Variants in CD96 observed in about 807,000 individuals in gnomAD.
The protein encoded by CD96 is T-cell surface protein tactile.
Under a neutral mutation model 71.3 loss-of-function variants are expected in CD96, and 70 were observed. The observed-to-expected ratio is 0.98, with a 90% confidence interval of 0.81 to 1.20. CD96 has a LOEUF of 1.20. CD96 is among the 50% of genes most tolerant of loss of function. The probability of loss-of-function intolerance (pLI) is 0.00; values close to 1 mark genes in which losing one functional copy is unlikely to be tolerated. For synonymous variants in CD96, 248 were observed against 233.0 expected (o/e 1.06, Z -0.59); for missense variants, 742 against 677.5 (o/e 1.10, Z -1.06).
At chr3:111,556,310 C>A (rs1314033872) in intron 2 of CD96, among the ~76,000 whole-genome samples, 1 of 146,328 alleles carries the variant, frequency 6.8e-6, no homozygotes, top group Non-Finnish European at 1.5e-5. Flanking sequence ...CCCACTAACT[C>A]GTCATCTAGC....
intron 3 of CD96, among the ~76,000 whole-genome samples, chr3:111,578,090 C>T (rs1936299036): frequency 6.6e-6 from 1 of 152,142 alleles, no homozygotes; most frequent in African/African-American, 2.4e-5. Context: ...AAAAGCAGCT[C>T]AACTGAGAAT....
intron 10 of CD96, 126 bp downstream of exon 10, chr3:111,624,530 T>C (rs1938657099): frequency 7.0e-6 from 5 of 712,944 alleles, no homozygotes; most frequent in South Asian, 6.0e-5. Context: ...GCATCTATCA[T>C]GTTTAAAGTA....
At chr3:111,554,039 C>A (rs901891024) in intron 2 of CD96, among the ~76,000 whole-genome samples, 2 of 151,896 alleles carry the variant, frequency 1.3e-5, no homozygotes, top group Non-Finnish European at 2.9e-5. Context: ...GAAAAGTTTT[C>A]TTCATTTCCA....
At chr3:111,659,946 A>T (rs1218889360) in intron 14 of CD96, among the ~76,000 whole-genome samples, 2 of 152,226 alleles carry the variant, frequency 1.3e-5, no homozygotes, top group African/African-American at 2.4e-5. Context: ...AGCTCAAGCC[A>T]TTCCCCTTGA....
intron 5 of CD96, among the ~76,000 whole-genome samples, chr3:111,586,985 G>A (rs918516809): frequency 1.3e-5 from 2 of 152,056 alleles, no homozygotes; most frequent in Non-Finnish European, 2.9e-5. Flanking sequence ...TCTGAGATAA[G>A]GCAAGTCCCT....
chr3:111,601,090 A>C (rs1488973390), intron 7 of CD96, among the ~76,000 whole-genome samples, 176 bp downstream of exon 7: 3 of 152,228 alleles, frequency 2.0e-5, no homozygotes, highest in African/African-American at 7.2e-5. Context: ...TCCAGTGAAA[A>C]GAATTCTTCA....
rs762726257 is a variant in CD96 at position 111,542,294 on chromosome 3, A to G, written c.46A>G (p.Ile16Val). Residue 16 changes from isoleucine to valine, a missense_variant, in exon 1 of 14, where the codon ATA becomes GTA. Coordinates refer to ENST00000352690, the MANE Select transcript of CD96 (RefSeq NM_005816.5). ...CTGTGCTGTCTATTACATCATCCAG[A>G]TACATTTTGTCAAGGGTAAGACTTC... The part of the protein sequence containing the change: ...KYCAVYYIIQ[I>V]HFVKGVWEKT... 6.2e-7 allele frequency: 1 copy of G among 1,613,864 alleles called. No individual in the cohort carries two copies. The highest frequency in any genetic ancestry group is 1.7e-5 in the Admixed American group (1 of 60,024).
intron 5 of CD96, among the ~76,000 whole-genome samples, chr3:111,590,425 A>G (rs1414023948): frequency 1.3e-5 from 2 of 152,230 alleles, no homozygotes; most frequent in Non-Finnish European, 2.9e-5. Context: ...AGCAGCCCGC[A>G]GTGTGGAAAT....
intron 4 of CD96, among the ~76,000 whole-genome samples, chr3:111,581,874 A>G (rs1360137363): frequency 1.3e-5 from 2 of 152,300 alleles, no homozygotes; most frequent in East Asian, 3.9e-4. Context: ...CGGTTAATTT[A>G]TTTGAAAGGC....
Position 111,558,715 on chromosome 3 carries a change from G to A in CD96, c.419-8808G>A, listed in dbSNP as rs1322139507. On this transcript the variant is annotated intron_variant, in intron 2 of 13. Transcript: ENST00000352690. Reference sequence around the variant, plus strand: ...CGGCTTTGGTATCAGAATGATGCTGGCCTCATAAAATGAGTTAGGGAGGAT... The same window carrying A: ...CGGCTTTGGTATCAGAATGATGCTGACCTCATAAAATGAGTTAGGGAGGAT... Among the ~76,000 whole-genome samples the A allele has an allele frequency of 2.0e-4, 25 of 123,344 alleles. No individual in the cohort carries two copies. The Admixed American group carries it at 2.1e-3, about 10-fold the overall frequency. The allele number at this position is 123,344 out of a possible 152,430, so 80.9% of individuals were successfully genotyped here.
chr3:111,543,415 C>A (rs1469628889), intron 1 of CD96, among the ~76,000 whole-genome samples: 1 of 152,048 alleles, frequency 6.6e-6, no homozygotes, highest in Non-Finnish European at 1.5e-5. Flanking sequence ...GTATTTCAGA[C>A]CATCGATTAG....
chr3:111,642,317 C>A (rs1939629333), intron 12 of CD96, among the ~76,000 whole-genome samples: 1 of 152,132 alleles, frequency 6.6e-6, no homozygotes, highest in African/African-American at 2.4e-5. Flanking sequence ...GGAGATATTA[C>A]AACTGACACC....
Position 111,574,428 on chromosome 3 carries a change from A to G in CD96, c.544-4599A>G, listed in dbSNP as rs1320288814. ...AATCCAAAACATCTGAGCCTGAAAC[A>G]TTTCTGATACCAAGCATTTCAGATA... On this transcript the variant is annotated intron_variant, in intron 3 of 13. Transcript: ENST00000352690. Among the ~76,000 whole-genome samples the G allele has an allele frequency of 2.6e-5, 4 of 152,214 alleles. No homozygotes were observed. In the East Asian group the frequency reaches 7.7e-4, roughly 29 times the overall value.
chr3:111,566,167 C>T (rs72622318), intron 2 of CD96, among the ~76,000 whole-genome samples: 4,643 of 150,856 alleles, frequency 0.031, 176 homozygotes, highest in East Asian at 0.15. Flanking sequence ...AAAGTTATAC[C>T]GTTTTATAAC....
chr3:111,622,056 G>GT (rs1938541860), intron 8 of CD96, among the ~76,000 whole-genome samples: 2 of 152,304 alleles, frequency 1.3e-5, no homozygotes, highest in East Asian at 3.9e-4. Flanking sequence ...GAGAAGAATT[G>GT]TAGGTGATTC....
intron 10 of CD96, among the ~76,000 whole-genome samples, chr3:111,632,861 A>G (rs902769910): frequency 6.6e-6 from 1 of 152,210 alleles, no homozygotes; most frequent in Non-Finnish European, 1.5e-5. Context: ...CAGCAAACTA[A>G]TGCAGGAATA....
chr3:111,543,095 T>C (rs1934191871), intron 1 of CD96, among the ~76,000 whole-genome samples: 1 of 152,216 alleles, frequency 6.6e-6, no homozygotes, highest in African/African-American at 2.4e-5. Context: ...TACATTAAAC[T>C]GTACTAACCT....
intron 12 of CD96, among the ~76,000 whole-genome samples, chr3:111,646,037 T>C (rs934473051): frequency 6.6e-6 from 1 of 152,122 alleles, no homozygotes; most frequent in South Asian, 2.1e-4. Flanking sequence ...ATGAAATAAA[T>C]TTAAATCCTT....
chr3:111,635,302 A>G (rs985670557), intron 10 of CD96, among the ~76,000 whole-genome samples: 3 of 152,218 alleles, frequency 2.0e-5, no homozygotes, highest in Non-Finnish European at 2.9e-5. Context: ...ACTTCCCACT[A>G]CATGTTATTA....
Sources: gnomAD v4.1 joint callset for allele counts (sites outside exome capture counted in the v4.1 genomes callset) on GRCh38, gnomAD v4.1.1 for gene constraint, MANE v1.5 for transcripts, NCBI Gene and HGNC (gene_info 2026-07-23, HGNC 2026-07-21) for gene names.